The following ECE1 variants were observed in gnomAD, a reference collection of about 807,000 sequenced individuals.
ECE1 encodes endothelin-converting enzyme 1.
Under a neutral mutation model 98.6 loss-of-function variants are expected in ECE1, and 35 were observed. The ratio of observed to expected loss-of-function variants is 0.35; its 90% CI spans 0.27 to 0.47. The LOEUF is 0.47. ECE1 is among the 20% of genes least tolerant of loss of function. The pLI is 1.00. For synonymous variants in ECE1, 394 were observed against 407.1 expected (o/e 0.97, Z 0.39); for missense variants, 814 against 1,025.3 (o/e 0.79, Z 2.81).
chr1:21,320,030 A>G (rs1161610329), intron 1 of ECE1, among the ~76,000 whole-genome samples: 1 of 152,238 alleles, frequency 6.6e-6, no homozygotes, highest in Non-Finnish European at 1.5e-5. Flanking sequence ...CAGCTAAAAA[A>G]CAAAGGTGCA....
intron 2 of ECE1, among the ~76,000 whole-genome samples, chr1:21,280,850 G>A (rs1430825413): frequency 1.3e-5 from 2 of 152,148 alleles, no homozygotes; most frequent in Non-Finnish European, 2.9e-5. Context: ...CAGAGATGGA[G>A]GAACACAAGC....
At chr1:21,279,561 C>T (rs1246401439) in intron 2 of ECE1, 1 of 1,444,108 alleles carries the variant, frequency 6.9e-7, no homozygotes, top group Non-Finnish European at 9.1e-7. Context: ...AGCAGCTCGG[C>T]CCCGACAGGC....
chr1:21,252,958 C>T (rs1352944477), intron 8 of ECE1, among the ~76,000 whole-genome samples: 5 of 152,216 alleles, frequency 3.3e-5, no homozygotes, highest in African/African-American at 1.2e-4. Flanking sequence ...TCAACTTATT[C>T]TCCAACAACC....
upstream of ECE1, among the ~76,000 whole-genome samples, chr1:21,294,989 T>C (rs527836117): frequency 6.6e-6 from 1 of 152,328 alleles, no homozygotes; most frequent in East Asian, 1.9e-4. This position sits in a 1 kb window ranked among gnomAD's most constrained non-coding sequence, Gnocchi z 4.2. Flanking sequence ...ACACTCATAT[T>C]ATCTGGTAGC....
intron 1 of ECE1, among the ~76,000 whole-genome samples, chr1:21,308,343 C>T (rs1204320193): frequency 1.3e-5 from 2 of 152,210 alleles, no homozygotes; most frequent in African/African-American, 4.8e-5. Flanking sequence ...CAGCCCCCAC[C>T]CCGGAGACCA....
intron 1 of ECE1, among the ~76,000 whole-genome samples, chr1:21,296,353 T>A (rs1211687334): frequency 6.6e-6 from 1 of 151,198 alleles, no homozygotes; most frequent in Non-Finnish European, 1.5e-5. Flanking sequence ...TACAAAAAAT[T>A]TAAAAAAAAA....
rs543391028 is a variant in ECE1, at chr1:21,253,488, C to A, written c.1020+2459G>T. ...TTAAAGTTAAGAACCACAGGCCGGG[C>A]GCGGTGGCTCACGCCTGTAATCCCA... is the stretch of plus-strand genomic sequence containing the variant. On this transcript the variant is annotated intron_variant, in intron 8 of 18. Transcript: ENST00000374893. Among the ~76,000 whole-genome samples, 10 of 150,140 alleles carry A rather than the reference C, an allele frequency of 6.7e-5. No homozygotes were observed. In the South Asian group the frequency reaches 1.5e-3, roughly 22 times the overall value.
chr1:21,278,301 T>C (rs552971686), intron 3 of ECE1, among the ~76,000 whole-genome samples: 23 of 152,362 alleles, frequency 1.5e-4, no homozygotes, highest in African/African-American at 5.5e-4. Context: ...GTGAGGCAGC[T>C]GGCTAGATCC....
chr1:21,301,261 G>A (rs376620059), intron 1 of ECE1, among the ~76,000 whole-genome samples: 86 of 152,264 alleles, frequency 5.6e-4, no homozygotes, highest in African/African-American at 1.9e-3. Context: ...TTGGGAGGCC[G>A]AGGCGGGCGG....
In ECE1 at chr1:21,340,138, C is replaced by T. The variant is rs1475736573; in HGVS notation, c.3+5238G>A. Among the ~76,000 whole-genome samples, 1 of 152,256 alleles carries T rather than the reference C, an allele frequency of 6.6e-6. No individual in the cohort carries two copies. The highest frequency in any genetic ancestry group is 1.5e-5 in the Non-Finnish European group (1 of 68,044). On this transcript the variant is annotated intron_variant, in intron 1 of 18. Coordinates refer to the ECE1 transcript ENST00000415912. The surrounding 1 kb of genome is among the most constrained non-coding windows in gnomAD (Gnocchi z 4.6). ...GGGCAGGATGACTCTGGAGCTGCAT[C>T]CCCAGGTTGGCACATAGCATTTTCT...
chr1:21,237,726 G>A lies in ECE1; in HGVS notation c.1389+408C>T, dbSNP rs534096514. 2.6e-5 allele frequency among the ~76,000 whole-genome samples: 4 copies of A among 152,242 alleles called. No homozygotes were observed. The East Asian group carries it at 7.7e-4, about 29-fold the overall frequency. Reference sequence around the variant, plus strand: ...GAGGCCAGGATCTGAGCTTAGGCCGGGCTGTCTCCAAGGCGCTCTGCCATG... The same window carrying A: ...GAGGCCAGGATCTGAGCTTAGGCCGAGCTGTCTCCAAGGCGCTCTGCCATG... On this transcript the variant is annotated intron_variant, in intron 11 of 18. Transcript: ENST00000374893.
At chr1:21,291,969 A>AATAT (rs142312217), upstream of ECE1, among the ~76,000 whole-genome samples, 1,249 of 147,096 alleles carry the variant, frequency 8.5e-3, 19 homozygotes, top group African/African-American at 0.03. Flanking sequence ...ACAAAAAGAA[A>AATAT]ATATATATAT....
intron 8 of ECE1, among the ~76,000 whole-genome samples, chr1:21,254,964 T>C (rs1163053880): frequency 6.6e-6 from 1 of 152,150 alleles, no homozygotes; most frequent in Non-Finnish European, 1.5e-5. Context: ...TCCCCACCCC[T>C]GGCTCCCAGG....
chr1:21,257,286 G>C (rs2098221072), intron 7 of ECE1, among the ~76,000 whole-genome samples: 1 of 152,186 alleles, frequency 6.6e-6, no homozygotes, highest in African/African-American at 2.4e-5. Context: ...TGCTGCCTCT[G>C]CCTCTCTCTA....
chr1:21,225,298 G>C lies in ECE1; in HGVS notation c.1992C>G (p.Thr664=), dbSNP rs1185097058. ...VNGEPVNGRH[T]LGENIADNGG... ...CGTTGTCGGCGATGTTCTCCCCCAG[G>C]GTGTGCCGCCCGTTCACCGGCTCCC... is the stretch of plus-strand genomic sequence containing the variant. The change falls in exon 17 of 19, where the codon ACC becomes ACG. Residue 664 remains threonine (T), a synonymous_variant. Coordinates refer to ENST00000374893, the MANE Select transcript of ECE1 (RefSeq NM_001397.3). This position sits in a 1 kb window ranked among gnomAD's most constrained non-coding sequence, Gnocchi z 5.3. The C allele has an allele frequency of 1.2e-6, 2 of 1,614,206 alleles. No homozygotes were observed. Among genetic ancestry groups the C allele is most frequent in the Admixed American group, 3.3e-5 (2 of 60,026 alleles).
intron 4 of ECE1, among the ~76,000 whole-genome samples, chr1:21,269,682 T>C (rs1278375815): frequency 2.6e-5 from 4 of 152,224 alleles, no homozygotes; most frequent in African/African-American, 7.2e-5. Context: ...GCTCAGCACT[T>C]TGAACCATCC....
intron 8 of ECE1, among the ~76,000 whole-genome samples, chr1:21,248,062 C>A (rs944159319): frequency 6.6e-6 from 1 of 152,076 alleles, no homozygotes; most frequent in Non-Finnish European, 1.5e-5. Context: ...TGCATTGGTC[C>A]GAAGGTGATA....
In ECE1 at chr1:21,225,107, C is replaced by T; in HGVS notation, c.2040+143G>A. On this transcript the variant is annotated intron_variant, in intron 17 of 18. Coordinates refer to ENST00000374893, the MANE Select transcript of ECE1 (RefSeq NM_001397.3). The surrounding 1 kb of genome is among the most constrained non-coding windows in gnomAD (Gnocchi z 5.3). ...CGGTCGGCATCGCGATTGGTCCTCG[C>T]CACCCCCAATTTCGCAGAAGAGGAA... 1 of 1,132,188 alleles carries T rather than the reference C, an allele frequency of 8.8e-7. No individual in the cohort carries two copies. The highest frequency in any genetic ancestry group is 1.5e-5 in the South Asian group (1 of 67,738). 70.1% of individuals were successfully genotyped at this position (1,132,188 alleles called of 1,614,324 possible).
At chr1:21,280,994 G>T (rs1470049306) in intron 2 of ECE1, among the ~76,000 whole-genome samples, 2 of 152,216 alleles carry the variant, frequency 1.3e-5, no homozygotes, top group Non-Finnish European at 2.9e-5. Flanking sequence ...TTCAAGACCA[G>T]CCTGGCCAAC....
Sources: allele counts gnomAD v4.1 joint callset (sites outside exome capture counted in the v4.1 genomes callset), GRCh38; gene constraint gnomAD v4.1.1; non-coding constraint Gnocchi (gnomAD v3.1); transcripts MANE v1.5; gene names NCBI Gene and HGNC (gene_info 2026-07-23, HGNC 2026-07-21).